The following ESRRG variants were observed in gnomAD, a reference collection of about 807,000 sequenced individuals.
ESRRG encodes estrogen related receptor gamma.
A neutral mutation model predicts 44.0 loss-of-function variants in ESRRG; 13 were observed. The observed-to-expected ratio is 0.30, with a 90% CI of 0.19 to 0.47. The LOEUF (loss-of-function observed/expected upper bound fraction) is 0.47. ESRRG is among the 20% of genes least tolerant of loss of function. The pLI, the probability that ESRRG is intolerant of heterozygous loss-of-function variation, is 1.00. For missense variants in ESRRG, 395 were observed against 580.6 expected, an observed-to-expected ratio of 0.68 and a Z score of 3.29; for synonymous variants, 215 against 214.6, an observed-to-expected ratio of 1.00 and a Z score of -0.02.
intron 3 of ESRRG, among the ~76,000 whole-genome samples, chr1:216,636,610 T>A (rs1468235120): frequency 6.6e-6 from 1 of 152,186 alleles, no homozygotes; most frequent in African/African-American, 2.4e-5. Flanking sequence ...TCCTTTTGGG[T>A]TTCCAGTTAA....
chr1:217,030,367 C>A (rs2081903440), intron 1 of ESRRG, among the ~76,000 whole-genome samples: 1 of 152,170 alleles, frequency 6.6e-6, no homozygotes, highest in Admixed American at 6.5e-5. Flanking sequence ...CGAAACTCAA[C>A]CATTTTCCTA....
intron 2 of ESRRG, among the ~76,000 whole-genome samples, chr1:216,675,472 T>C (rs2075940536): frequency 6.6e-6 from 1 of 152,164 alleles, no homozygotes; most frequent in African/African-American, 2.4e-5. Flanking sequence ...TAACAAACAT[T>C]ACTTCTTTTG....
intron 3 of ESRRG, among the ~76,000 whole-genome samples, chr1:216,629,011 G>T (rs17671115): frequency 6.6e-6 from 1 of 151,968 alleles, no homozygotes; most frequent in Non-Finnish European, 1.5e-5. Context: ...CACCCTTCAC[G>T]AGTTAATGTC....
At chr1:216,696,323 C>T (rs1575439158) in intron 1 of ESRRG, among the ~76,000 whole-genome samples, 1 of 152,262 alleles carries the variant, frequency 6.6e-6, no homozygotes, top group Non-Finnish European at 1.5e-5. Flanking sequence ...TATTTTATAG[C>T]AGCCAACTTA....
At chr1:216,564,139 T>A (rs1479786606) in intron 5 of ESRRG, 80 bp downstream of exon 5, 1 of 851,486 alleles carries the variant, frequency 1.2e-6, no homozygotes, top group East Asian at 2.9e-5. Context: ...GAGAAAAATT[T>A]GAATTCACCC....
intron 1 of ESRRG, among the ~76,000 whole-genome samples, chr1:217,058,136 T>C (rs2151315026): frequency 6.6e-6 from 1 of 152,164 alleles, no homozygotes; most frequent in Non-Finnish European, 1.5e-5. Context: ...AAAAGACCAA[T>C]AGCAAGACAT....
intron 2 of ESRRG, among the ~76,000 whole-genome samples, chr1:216,659,645 G>A (rs2071726213): frequency 6.6e-6 from 1 of 152,158 alleles, no homozygotes; most frequent in Non-Finnish European, 1.5e-5. Flanking sequence ...CTAGAAAGCA[G>A]CATCCTTTCC....
intron 3 of ESRRG, among the ~76,000 whole-genome samples, chr1:216,575,957 G>A (rs1261587776): frequency 2.6e-5 from 4 of 152,058 alleles, no homozygotes; most frequent in African/African-American, 7.2e-5. Flanking sequence ...ACCTTTAAAA[G>A]TTCACAGCTA....
rs1042742060 is a variant in ESRRG at position 216,608,339 on chromosome 1, A to T, written c.590-40241T>A. On this transcript the variant is annotated intron_variant, in intron 3 of 6. Coordinates refer to ENST00000408911, the MANE Select transcript of ESRRG (RefSeq NM_001438.4). ...ATGTATGCATAGTTGCCCTGGTCTC[A>T]TTGCTTTTGGGGCAAATATTTAATA... Among the ~76,000 whole-genome samples, 3 of 152,172 alleles carry T rather than the reference A, an allele frequency of 2.0e-5. No individual in the cohort carries two copies. The East Asian group carries it at 5.8e-4, about 29-fold the overall frequency.
intron 1 of ESRRG, among the ~76,000 whole-genome samples, chr1:217,066,443 G>A (rs1201336826): frequency 1.8e-4 from 27 of 151,498 alleles, no homozygotes; most frequent in Admixed American, 1.8e-3. Flanking sequence ...GGATTTCACC[G>A]TGTTAGCCAG....
chr1:217,117,944 A>G (rs1212439273), intron 1 of ESRRG, among the ~76,000 whole-genome samples: 1 of 152,198 alleles, frequency 6.6e-6, no homozygotes, highest in Non-Finnish European at 1.5e-5. Flanking sequence ...CATTTCACCA[A>G]AAGTTGCACT....
chr1:216,741,244 A>AAT (rs2090669616), intron 2 of ESRRG, among the ~76,000 whole-genome samples: 1 of 137,884 alleles, frequency 7.3e-6, no homozygotes, highest in Non-Finnish European at 1.6e-5. Flanking sequence ...TATAATTTAT[A>AAT]TTATATAATT....
At chr1:216,822,541 G>A (rs766578977) in intron 2 of ESRRG, among the ~76,000 whole-genome samples, 1 of 152,072 alleles carries the variant, frequency 6.6e-6, no homozygotes, top group Non-Finnish European at 1.5e-5. Flanking sequence ...ATGTTTCCCA[G>A]TCCTCCTCTC....
At chr1:217,049,412 T>A (rs2085489584) in intron 1 of ESRRG, among the ~76,000 whole-genome samples, 3 of 152,168 alleles carry the variant, frequency 2.0e-5, no homozygotes, top group Admixed American at 2.0e-4. Flanking sequence ...TGCTGACTTA[T>A]GAGATTCACA....
rs549659690 is a variant in ESRRG, at chr1:217,102,953, G to C, written c.-230+34714C>G. Among the ~76,000 whole-genome samples, 6 of 152,240 alleles carry C rather than the reference G, an allele frequency of 3.9e-5. No individual in the cohort carries two copies. In the South Asian group the frequency reaches 1.2e-3, roughly 32 times the overall value. ...GGCAGCTGATGGGGGAGAGAGAAGG[G>C]GAATAAAGAAGAGAGGGCCTGCTTG... On this transcript the variant is annotated intron_variant, in intron 1 of 8. Transcript: ENST00000366940.
chr1:216,698,090 AG>A (rs757120740), intron 1 of ESRRG, among the ~76,000 whole-genome samples: 27 of 152,302 alleles, frequency 1.8e-4, no homozygotes, highest in Non-Finnish European at 3.7e-4. Flanking sequence ...TAGACATGGC[AG>A]GGATATTTAT....
In ESRRG at chr1:216,775,551, C is replaced by CTTTT. The variant is rs71163765; in HGVS notation, c.-13-98064_-13-98061dup. Among the ~76,000 whole-genome samples the CTTTT allele has an allele frequency of 1.2e-3, 91 of 74,830 alleles. 19 individuals are homozygous for CTTTT. Among genetic ancestry groups the CTTTT allele is most frequent in the East Asian group, 1.5e-3 (4 of 2,676 alleles). 49.1% of individuals were successfully genotyped at this position (74,830 alleles called of 152,430 possible). A position where few individuals can be genotyped will look rare whatever the true frequency, so the allele number is the denominator to read the frequency against. On this transcript the variant is annotated intron_variant, in intron 2 of 7. Transcript: ENST00000359162. ...TTCCCACCTAAATAAAATGTCACATCTTTTTTTTTTTTTTTTTTTTTTTTT... is the reference window on the plus strand; with the variant it reads ...TTCCCACCTAAATAAAATGTCACATCTTTTTTTTTTTTTTTTTTTTTTTTTTTTT...
At chr1:217,043,922 G>C (rs1475421003) in intron 1 of ESRRG, among the ~76,000 whole-genome samples, 1 of 149,272 alleles carries the variant, frequency 6.7e-6, no homozygotes, top group East Asian at 2.0e-4. Flanking sequence ...CCAGAGCTCT[G>C]AAGAAAAGAA....
At chr1:217,012,183 T>C (rs2078718568) in intron 1 of ESRRG, among the ~76,000 whole-genome samples, 1 of 152,200 alleles carries the variant, frequency 6.6e-6, no homozygotes, top group Non-Finnish European at 1.5e-5. Context: ...GACACCGTCA[T>C]TCTAGTGGAT....
Sources: allele counts gnomAD v4.1 joint callset (sites outside exome capture counted in the v4.1 genomes callset), GRCh38; gene constraint gnomAD v4.1.1; transcripts MANE v1.5; gene names NCBI Gene and HGNC (gene_info 2026-07-23, HGNC 2026-07-21).